Variants in FAM110B observed in about 807,000 individuals in gnomAD.
FAM110B encodes the protein family with sequence similarity 110 member B.
FAM110B carries 6 observed loss-of-function variants against 20.4 expected under a neutral mutation model. The observed-to-expected ratio is 0.29, with a 90% CI of 0.16 to 0.58. The LOEUF (loss-of-function observed/expected upper bound fraction) is 0.58, where lower values mean the gene tolerates loss of function less well. Ranked by LOEUF, FAM110B falls within the 20% of genes least tolerant of loss-of-function variation. The probability of loss-of-function intolerance (pLI) is 0.90; values close to 1 mark genes in which losing one functional copy is unlikely to be tolerated. For synonymous variants in FAM110B, 226 were observed against 214.1 expected, an observed-to-expected ratio of 1.06 and a Z score of -0.49; for missense variants, 434 against 498.2, an observed-to-expected ratio of 0.87 and a Z score of 1.23.
chr8:58,047,073 G>T (rs1175582390), intron 2 of FAM110B, among the ~76,000 whole-genome samples: 1 of 152,156 alleles, frequency 6.6e-6, no homozygotes, highest in East Asian at 1.9e-4. Context: ...AAATATTGGT[G>T]ATGATAGGGG....
intron 3 of FAM110B, among the ~76,000 whole-genome samples, chr8:58,076,639 C>G (rs2150593962): frequency 6.6e-6 from 1 of 152,264 alleles, no homozygotes; most frequent in South Asian, 2.1e-4. Context: ...AGATGATTCC[C>G]TCTTTTATGG....
At chr8:58,057,616 A>G (rs747611242) in intron 2 of FAM110B, among the ~76,000 whole-genome samples, 34 of 152,154 alleles carry the variant, frequency 2.2e-4, no homozygotes, top group Admixed American at 3.3e-4. Context: ...TAGGAAAGCC[A>G]TGCAGTTCAG....
chr8:58,014,719 G>A (rs892588442), intron 1 of FAM110B, among the ~76,000 whole-genome samples: 2 of 152,082 alleles, frequency 1.3e-5, no homozygotes, highest in African/African-American at 4.8e-5. Flanking sequence ...TTTAATCTGT[G>A]TAGATTTTCA....
intron 3 of FAM110B, among the ~76,000 whole-genome samples, chr8:58,129,483 C>G (rs183634555): frequency 6.6e-5 from 10 of 152,344 alleles, no homozygotes; most frequent in Middle Eastern, 3.4e-3. Flanking sequence ...TCAGCCACCC[C>G]CTTCGGGGCC....
intron 3 of FAM110B, among the ~76,000 whole-genome samples, chr8:58,101,806 T>C (rs1315331263): frequency 6.6e-6 from 1 of 152,128 alleles, no homozygotes; most frequent in African/African-American, 2.4e-5. Context: ...TGGCTCACCA[T>C]TGTTTGTACC....
Position 58,063,697 on chromosome 8 carries a change from T to G in FAM110B, c.-413-11838T>G, listed in dbSNP as rs1248970275. Among the ~76,000 whole-genome samples, 9 of 152,340 alleles carry G rather than the reference T, an allele frequency of 5.9e-5. No individual in the cohort carries two copies. In the East Asian group the frequency reaches 1.7e-3, roughly 29 times the overall value. On this transcript the variant is annotated intron_variant, in intron 2 of 3. Transcript: ENST00000519262. ...TGTATACATTGATTTATAACTTACC[T>G]AATATTCAGCTATATTTTCATTTGG...
At chr8:58,134,163 C>T (rs1273255618) in intron 3 of FAM110B, among the ~76,000 whole-genome samples, 2 of 152,214 alleles carry the variant, frequency 1.3e-5, no homozygotes, top group African/African-American at 4.8e-5. Context: ...AGGCAAAGAA[C>T]TAGTTGTTCT....
chr8:58,118,786 C>G (rs1807282644), intron 3 of FAM110B, among the ~76,000 whole-genome samples: 1 of 152,128 alleles, frequency 6.6e-6, no homozygotes, highest in African/African-American at 2.4e-5. Flanking sequence ...GATATAACTT[C>G]AGATGTTATT....
chr8:57,998,514 C>T (rs73681722), intron 1 of FAM110B, among the ~76,000 whole-genome samples: 3,979 of 152,250 alleles, frequency 0.026, 184 homozygotes, highest in African/African-American at 0.09. Flanking sequence ...TTATTTTAGA[C>T]TTTAGGCAGA....
intron 2 of FAM110B, among the ~76,000 whole-genome samples, chr8:58,039,670 T>C (rs4407868): frequency 0.19 from 29,639 of 152,202 alleles, 4,121 homozygotes; most frequent in African/African-American, 0.39. Flanking sequence ...CAGATCTGCC[T>C]CCTGATAGTG....
At chr8:58,066,456 C>T (rs1805764134) in intron 2 of FAM110B, among the ~76,000 whole-genome samples, 1 of 152,138 alleles carries the variant, frequency 6.6e-6, no homozygotes, top group African/African-American at 2.4e-5. Context: ...GCCTTTGGAG[C>T]AGCAGGAGTG....
intron 2 of FAM110B, among the ~76,000 whole-genome samples, chr8:58,061,574 T>C (rs920635896): frequency 6.6e-6 from 1 of 152,250 alleles, no homozygotes; most frequent in African/African-American, 2.4e-5. Context: ...TGTAATCGAA[T>C]ACTTGAAATT....
intron 3 of FAM110B, among the ~76,000 whole-genome samples, chr8:58,081,169 CT>C (rs1806181560): frequency 6.6e-6 from 1 of 152,214 alleles, no homozygotes; most frequent in South Asian, 2.1e-4. Flanking sequence ...CTAGTTTCTG[CT>C]CCCACACCAG....
At chr8:58,053,385 C>G (rs989823772) in intron 2 of FAM110B, among the ~76,000 whole-genome samples, 5 of 152,168 alleles carry the variant, frequency 3.3e-5, no homozygotes, top group African/African-American at 1.2e-4. Flanking sequence ...ATGCTGACTC[C>G]TGAGTTTCTG....
At chr8:58,108,045 C>T (rs1221683353) in intron 3 of FAM110B, among the ~76,000 whole-genome samples, 1 of 152,178 alleles carries the variant, frequency 6.6e-6, no homozygotes, top group East Asian at 1.9e-4. Flanking sequence ...TGAATTTGTT[C>T]TTCCAGGGGA....
chr8:58,070,650 G>C (rs767362452), intron 2 of FAM110B, among the ~76,000 whole-genome samples: 4 of 152,146 alleles, frequency 2.6e-5, no homozygotes, highest in South Asian at 2.1e-4. Context: ...CTTCTGTTTT[G>C]GAATGCCCAA....
intron 1 of FAM110B, among the ~76,000 whole-genome samples, chr8:58,028,484 G>T (rs1804895785): frequency 6.6e-6 from 1 of 152,078 alleles, no homozygotes; most frequent in Non-Finnish European, 1.5e-5. Flanking sequence ...GTTTTGTTTT[G>T]CATTTCCCTG....
At chr8:58,126,814 G>A (rs780380459) in intron 3 of FAM110B, among the ~76,000 whole-genome samples, 1 of 152,058 alleles carries the variant, frequency 6.6e-6, no homozygotes, top group Non-Finnish European at 1.5e-5. Flanking sequence ...TTTGTCAGAT[G>A]TATATCATGC....
At chr8:57,996,638 T>A (rs1232498954) in intron 1 of FAM110B, among the ~76,000 whole-genome samples, 1 of 152,180 alleles carries the variant, frequency 6.6e-6, no homozygotes, top group Non-Finnish European at 1.5e-5. Context: ...GCCTAATTGT[T>A]TAAAGAGAGG....
Sources: allele counts gnomAD v4.1 joint callset (sites outside exome capture counted in the v4.1 genomes callset), GRCh38; gene constraint gnomAD v4.1.1; transcripts MANE v1.5; gene names NCBI Gene and HGNC (gene_info 2026-07-23, HGNC 2026-07-21).